Variants in ZNF804B observed in about 807,000 individuals in gnomAD.
The protein encoded by ZNF804B is zinc finger protein 804B, also known as zinc finger 804B.
In ZNF804B, 80 loss-of-function variants were observed where a neutral mutation model predicts 101.4. The observed-to-expected ratio is 0.79, with a 90% CI of 0.66 to 0.95. The LOEUF is 0.95. Among genes scored for constraint, ZNF804B ranks in the 40% least tolerant of loss-of-function variants. ZNF804B has a pLI of 0.00. For synonymous variants in ZNF804B, 622 were observed against 558.8 expected (o/e 1.11, Z -1.59); for missense variants, 1,673 against 1,561.9 (o/e 1.07, Z -1.20).
At chr7:89,081,701 T>C (rs2116313384) in intron 1 of ZNF804B, among the ~76,000 whole-genome samples, 1 of 151,934 alleles carries the variant, frequency 6.6e-6, no homozygotes, top group African/African-American at 2.4e-5. Flanking sequence ...TTACACCCCT[T>C]CACTATTTTA....
chr7:89,017,301 C>T (rs1199075068), intron 1 of ZNF804B, among the ~76,000 whole-genome samples: 1 of 152,286 alleles, frequency 6.6e-6, no homozygotes. Context: ...ATTTGACTTC[C>T]TCTTTTCCTA....
At chr7:89,243,262 G>T (rs927545985) in intron 2 of ZNF804B, among the ~76,000 whole-genome samples, 1 of 150,116 alleles carries the variant, frequency 6.7e-6, no homozygotes, top group African/African-American at 2.4e-5. Context: ...AAGAAAATTA[G>T]TCATTTGGGG....
chr7:89,262,028 T>C (rs944484611), intron 2 of ZNF804B, among the ~76,000 whole-genome samples: 2 of 152,186 alleles, frequency 1.3e-5, no homozygotes, highest in Non-Finnish European at 2.9e-5. Flanking sequence ...CTCTAGAACT[T>C]ACGTACTCTA....
At chr7:89,043,542 CATAAT>C (rs1226865356) in intron 1 of ZNF804B, among the ~76,000 whole-genome samples, 1 of 152,126 alleles carries the variant, frequency 6.6e-6, no homozygotes, top group East Asian at 1.9e-4. Flanking sequence ...CATTGAGAAA[CATAAT>C]ATAGCATCAG....
At chr7:88,926,947 G>GGTT (rs1554346852) in intron 1 of ZNF804B, among the ~76,000 whole-genome samples, 1 of 150,042 alleles carries the variant, frequency 6.7e-6, no homozygotes, top group African/African-American at 2.5e-5. Context: ...GGGGAGCGGG[G>GGTT]GGAAAGCTGT....
At chr7:89,025,244 G>A (rs1490834510) in intron 1 of ZNF804B, among the ~76,000 whole-genome samples, 2 of 152,016 alleles carry the variant, frequency 1.3e-5, no homozygotes, top group South Asian at 2.1e-4. Context: ...CTCTTATGTG[G>A]AATTTAAGTG....
At chr7:88,987,866 G>A (rs1044449961) in intron 1 of ZNF804B, among the ~76,000 whole-genome samples, 1 of 151,940 alleles carries the variant, frequency 6.6e-6, no homozygotes, top group Non-Finnish European at 1.5e-5. Context: ...CGTTGTAACT[G>A]TATTTTTGGA....
At chr7:88,873,635 T>C (rs967427505) in intron 1 of ZNF804B, among the ~76,000 whole-genome samples, 1 of 152,208 alleles carries the variant, frequency 6.6e-6, no homozygotes, top group African/African-American at 2.4e-5. Context: ...CCATCTTGAA[T>C]TGATTTTTAT....
At chr7:89,180,527 G>T (rs1788283213) in intron 1 of ZNF804B, among the ~76,000 whole-genome samples, 1 of 151,894 alleles carries the variant, frequency 6.6e-6, no homozygotes, top group East Asian at 1.9e-4. Context: ...AAGGCAATGG[G>T]CTCCCTCCTG....
intron 1 of ZNF804B, among the ~76,000 whole-genome samples, chr7:89,157,475 A>T (rs1584022345): frequency 6.6e-6 from 1 of 150,978 alleles, no homozygotes; most frequent in African/African-American, 2.5e-5. Context: ...ATGGCACATT[A>T]TTTTTTTTCA....
At chr7:89,072,766 T>C (rs1789560825) in intron 1 of ZNF804B, among the ~76,000 whole-genome samples, 1 of 152,182 alleles carries the variant, frequency 6.6e-6, no homozygotes, top group Non-Finnish European at 1.5e-5. Context: ...TGCCTTTTTC[T>C]TATTTCAACT....
chr7:89,097,826 A>G (rs1789991308), intron 1 of ZNF804B, among the ~76,000 whole-genome samples: 1 of 152,134 alleles, frequency 6.6e-6, no homozygotes, highest in South Asian at 2.1e-4. Flanking sequence ...TTTATAATGA[A>G]TCTTCTTTCT....
chr7:88,838,833 A>T (rs1157000911), intron 1 of ZNF804B, among the ~76,000 whole-genome samples: 1 of 152,022 alleles, frequency 6.6e-6, no homozygotes, highest in African/African-American at 2.4e-5. Flanking sequence ...CCTGCCCTTA[A>T]CATAGTAAGG....
intron 1 of ZNF804B, among the ~76,000 whole-genome samples, chr7:89,050,961 A>G (rs919469547): frequency 9.4e-5 from 14 of 149,432 alleles, no homozygotes; most frequent in Non-Finnish European, 1.8e-4. Context: ...CACAAAATAA[A>G]CCTCGTTTTA....
intron 1 of ZNF804B, among the ~76,000 whole-genome samples, chr7:88,806,344 C>T (rs1213053685): frequency 6.6e-6 from 1 of 151,970 alleles, no homozygotes; most frequent in East Asian, 1.9e-4. Context: ...ATTATATTTG[C>T]TCCTAATTAT....
intron 1 of ZNF804B, among the ~76,000 whole-genome samples, chr7:88,823,702 A>C (rs910097873): frequency 2.6e-5 from 4 of 152,084 alleles, no homozygotes; most frequent in African/African-American, 9.7e-5. Context: ...CAAATTGTAA[A>C]TCACTAGTTG....
chr7:88,834,513 G>A (rs1354741080), intron 1 of ZNF804B, among the ~76,000 whole-genome samples: 1 of 151,710 alleles, frequency 6.6e-6, no homozygotes, highest in East Asian at 1.9e-4. Flanking sequence ...TGGAGTTAAA[G>A]TAATAGAAAG....
intron 2 of ZNF804B, among the ~76,000 whole-genome samples, chr7:89,311,179 G>A (rs1314948394): frequency 6.6e-6 from 1 of 152,114 alleles, no homozygotes; most frequent in African/African-American, 2.4e-5. Context: ...ACATTATAAT[G>A]CTTGGAAGTA....
intron 2 of ZNF804B, among the ~76,000 whole-genome samples, chr7:89,244,274 A>G (rs945900953): frequency 3.9e-5 from 6 of 152,108 alleles, no homozygotes; most frequent in African/African-American, 9.6e-5. Context: ...AAAGAATTCA[A>G]TGTGAACCAC....
Sources: gnomAD v4.1 joint callset for allele counts (sites outside exome capture counted in the v4.1 genomes callset) on GRCh38, gnomAD v4.1.1 for gene constraint, MANE v1.5 for transcripts, NCBI Gene and HGNC (gene_info 2026-07-23, HGNC 2026-07-21) for gene names.